Variants in ANOS1 observed in about 807,000 individuals in gnomAD.
The protein encoded by ANOS1 is anosmin-1.
In ANOS1, 6 loss-of-function variants were observed where a neutral mutation model predicts 59.0. The observed-to-expected ratio is 0.10, with a 90% CI of 0.06 to 0.20. The LOEUF (loss-of-function observed/expected upper bound fraction) is 0.20. Ranked by LOEUF, ANOS1 falls within the 10% of genes least tolerant of loss-of-function variation. The pLI, the probability that ANOS1 is intolerant of heterozygous loss-of-function variation, is 1.00. For synonymous variants in ANOS1, 217 were observed against 223.4 expected (o/e 0.97, Z 0.25); for missense variants, 433 against 542.3 (o/e 0.80, Z 2.00).
At chrX:8,685,351 T>A (rs1380437959) in intron 2 of ANOS1, among the ~76,000 whole-genome samples, 1 of 109,050 alleles carries the variant, frequency 9.2e-6, no homozygotes, top group Non-Finnish European at 1.9e-5. Context: ...TGCTTAAAAT[T>A]TTCAGCTGGG....
At chrX:8,628,754 G>C (rs2146850311) in intron 2 of ANOS1, among the ~76,000 whole-genome samples, 1 of 112,455 alleles carries the variant, frequency 8.9e-6, no homozygotes, top group African/African-American at 3.2e-5. Flanking sequence ...CGAGGCTACT[G>C]CTTCAATTCC....
At position 8,654,288 on chromosome X, in the gene ANOS1, A is replaced by C. The variant is rs190248912; in HGVS notation, c.256-30618T>G. ...AACCAAAAAGCAACCAATAAAATTA[A>C]GTACGAATGTTCCCCAGCAAAGACA... On this transcript the variant is annotated intron_variant, in intron 2 of 13. Coordinates refer to ENST00000262648, the MANE Select transcript of ANOS1 (RefSeq NM_000216.4). Among the ~76,000 whole-genome samples the C allele has an allele frequency of 4.5e-5, 5 of 112,178 alleles. No homozygotes were observed. The East Asian group carries it at 1.4e-3, about 31-fold the overall frequency.
intron 4 of ANOS1, among the ~76,000 whole-genome samples, chrX:8,593,458 T>C (rs1183375576): frequency 8.9e-6 from 1 of 112,083 alleles, no homozygotes; most frequent in Non-Finnish European, 1.9e-5. Flanking sequence ...AATGAATGAA[T>C]GAGGAACTTC....
intron 2 of ANOS1, among the ~76,000 whole-genome samples, 188 bp from the exon 3 acceptor site, chrX:8,623,858 C>T (rs1031285988): frequency 2.8e-4 from 31 of 111,029 alleles, no homozygotes; most frequent in Non-Finnish European, 5.3e-4. Context: ...CATTACAGAA[C>T]GCGGACCAAA....
In ANOS1 at chrX:8,619,193, G is replaced by A. The variant is rs185533231; in HGVS notation, c.318+4415C>T. 3.5e-3 allele frequency among the ~76,000 whole-genome samples: 388 copies of A among 109,708 alleles called. 2 individuals carry two copies. The highest frequency in any genetic ancestry group is 0.012 in the African/African-American group (371 of 30,116). ...TGCCTATCTATGTATCTATGATTAC[G>A]TGCCATGTTCCAAAAACTTGATACA... On this transcript the variant is annotated intron_variant, in intron 3 of 13. Coordinates refer to ENST00000262648, the MANE Select transcript of ANOS1 (RefSeq NM_000216.4).
intron 9 of ANOS1, among the ~76,000 whole-genome samples, chrX:8,543,789 G>A (rs1423114205): frequency 2.7e-5 from 3 of 110,988 alleles, no homozygotes; most frequent in Non-Finnish European, 5.7e-5. Context: ...GCTTGAACCC[G>A]GGAAGTGGAT....
At chrX:8,717,651 GA>G (rs1932849566) in intron 1 of ANOS1, among the ~76,000 whole-genome samples, 1 of 111,614 alleles carries the variant, frequency 9.0e-6, no homozygotes, top group Admixed American at 9.6e-5. Flanking sequence ...GGAGAGGGAA[GA>G]GGGGGAAAGA....
chrX:8,535,200 CG>C (rs1386738371), intron 12 of ANOS1: 1 of 141,131 alleles, frequency 7.1e-6, no homozygotes, highest in Non-Finnish European at 1.4e-5. Flanking sequence ...GCGGGGAAGA[CG>C]GACAAACAAC....
intron 1 of ANOS1, among the ~76,000 whole-genome samples, chrX:8,707,941 A>G (rs1431224030): frequency 8.9e-6 from 1 of 112,586 alleles, no homozygotes; most frequent in Admixed American, 9.4e-5. Flanking sequence ...TTTAAAACCA[A>G]CTGGCCAGGC....
rs1186044764 is a variant in ANOS1 at position 8,568,314 on chromosome X, T to C, written c.1125A>G (p.Gln375=). ...QPDCDYVVEL[Q]AITYWGQTRL... is the part of the protein sequence containing the mutation. ...GTGTCTGTCCCCAGTACGTTATGGC[T>C]TGCAATTCCACAACATAGTCACAGT... The change falls in exon 8 of 14, where the codon CAA becomes CAG. Residue 375 remains glutamine (Q), a synonymous_variant. Transcript: ENST00000262648. The C allele has an allele frequency of 2.5e-6, 3 of 1,209,133 alleles. No homozygotes were observed. Among genetic ancestry groups the C allele is most frequent in the Non-Finnish European group, 3.4e-6 (3 of 893,085 alleles).
chrX:8,636,436 A>G (rs1247423129), intron 2 of ANOS1, among the ~76,000 whole-genome samples: 1 of 112,150 alleles, frequency 8.9e-6, no homozygotes, highest in Non-Finnish European at 1.9e-5. Context: ...GATTGTTTAT[A>G]TCAGTAATAT....
chrX:8,550,089 G>GA (rs754101698), intron 9 of ANOS1, among the ~76,000 whole-genome samples: 1 of 111,551 alleles, frequency 9.0e-6, no homozygotes, highest in South Asian at 3.7e-4. Context: ...GGTTTTTGTA[G>GA]AAAAAATGCA....
intron 1 of ANOS1, among the ~76,000 whole-genome samples, chrX:8,727,632 C>T (rs1932931400): frequency 8.9e-6 from 1 of 112,214 alleles, no homozygotes; most frequent in South Asian, 3.7e-4. Context: ...GTACAATCCC[C>T]GGGTGCAGCA....
At chrX:8,729,897 G>T (rs1412199776) in intron 1 of ANOS1, among the ~76,000 whole-genome samples, 3 of 110,375 alleles carry the variant, frequency 2.7e-5, no homozygotes, top group Non-Finnish European at 5.7e-5. Flanking sequence ...CTTTGCAATT[G>T]ATTACAAACA....
intron 2 of ANOS1, among the ~76,000 whole-genome samples, chrX:8,660,556 C>T (rs1003675177): frequency 2.7e-5 from 3 of 111,016 alleles, no homozygotes; most frequent in African/African-American, 9.9e-5. Flanking sequence ...GGGAGGATTG[C>T]TTGAGCCCAG....
chrX:8,613,709 T>TGGC (rs753693915), intron 3 of ANOS1, among the ~76,000 whole-genome samples: 20 of 111,522 alleles, frequency 1.8e-4, no homozygotes, highest in African/African-American at 6.5e-4. Flanking sequence ...GGCACAAACA[T>TGGC]GGCTCACTGC....
intron 1 of ANOS1, among the ~76,000 whole-genome samples, chrX:8,716,222 AT>A (rs762622387): frequency 8.9e-6 from 1 of 112,308 alleles, no homozygotes; most frequent in South Asian, 3.7e-4. Flanking sequence ...CTAAGTTTGC[AT>A]GAGTCTGCTC....
At chrX:8,618,121 C>T in intron 3 of ANOS1, among the ~76,000 whole-genome samples, 1 of 112,114 alleles carries the variant, frequency 8.9e-6, no homozygotes, top group Non-Finnish European at 1.9e-5. Context: ...ATCAAGCTTA[C>T]CTAATGAAAT....
chrX:8,697,476 C>T (rs1363834663), intron 2 of ANOS1, among the ~76,000 whole-genome samples: 1 of 110,971 alleles, frequency 9.0e-6, no homozygotes, highest in African/African-American at 3.3e-5. Flanking sequence ...CTAGGAGACC[C>T]ATCGGGTTGC....
Sources: allele counts gnomAD v4.1 joint callset (sites outside exome capture counted in the v4.1 genomes callset), GRCh38; gene constraint gnomAD v4.1.1; transcripts MANE v1.5; gene names NCBI Gene and HGNC (gene_info 2026-07-23, HGNC 2026-07-21).